Variants in TMEM108 observed in about 807,000 individuals in gnomAD.
TMEM108 encodes the protein transmembrane protein 108, also known as cancer/testis antigen 124.
A neutral mutation model predicts 35.1 loss-of-function variants in TMEM108; 12 were observed. That is an observed-to-expected ratio of 0.34 (90% CI 0.22 to 0.55). TMEM108 has a LOEUF of 0.55. Ranked by LOEUF, TMEM108 falls within the 20% of genes least tolerant of loss-of-function variation. TMEM108 has a pLI of 0.89. For missense variants in TMEM108, 680 were observed against 753.3 expected (o/e 0.90, Z 1.14); for synonymous variants, 287 against 308.6 (o/e 0.93, Z 0.73).
intron 3 of TMEM108, among the ~76,000 whole-genome samples, chr3:133,351,318 T>C (rs2071990252): frequency 6.6e-6 from 1 of 152,172 alleles, no homozygotes; most frequent in African/African-American, 2.4e-5. Context: ...CGGCCCTGCT[T>C]ACTTCAAACT....
At chr3:133,234,438 G>A (rs779458198) in intron 3 of TMEM108, among the ~76,000 whole-genome samples, 1 of 152,134 alleles carries the variant, frequency 6.6e-6, no homozygotes, top group African/African-American at 2.4e-5. Flanking sequence ...ATGCAAGGCT[G>A]TTTCAATATA....
At chr3:133,145,849 C>A (rs1287878248) in intron 2 of TMEM108, among the ~76,000 whole-genome samples, 1 of 152,184 alleles carries the variant, frequency 6.6e-6, no homozygotes. Flanking sequence ...TGCTTATCAG[C>A]TTGAGGAGAT....
rs1453154898 is a variant in TMEM108 at position 133,397,614 on chromosome 3, TAC to T, written c.*1630_*1631del. 6.6e-6 allele frequency: 1 copy of T among 152,204 alleles called. No individual in the cohort carries two copies. The highest frequency in any genetic ancestry group is 1.5e-5 in the Non-Finnish European group (1 of 68,038). The allele number at this position is 152,204 out of a possible 1,614,324, so 9.4% of individuals were successfully genotyped here. A position where few individuals can be genotyped will look rare whatever the true frequency, so the allele number is the denominator to read the frequency against. ...TTTAATATACCAATGTGTGTAAGTA[TAC>T]AGAGAAAAATCTGTTTGTAAAGTAA... On this transcript the variant is annotated 3_prime_UTR_variant, in exon 6 of 6. Coordinates refer to ENST00000321871, the MANE Select transcript of TMEM108 (RefSeq NM_023943.4).
Position 133,380,629 on chromosome 3 carries a change from C to T in TMEM108, c.918C>T (p.Ala306=). The T allele has an allele frequency of 6.2e-7, 1 of 1,613,800 alleles. No homozygotes were observed. The highest frequency in any genetic ancestry group is 8.5e-7 in the Non-Finnish European group (1 of 1,179,886). ...GTPDATAASG[A]PVSPQAAPVP... ...CAGATGCCACAGCAGCCTCAGGTGC[C>T]CCTGTCAGTCCACAAGCTGCCCCAG... Residue 306 remains alanine (A), a synonymous_variant, in exon 4 of 6, where the codon GCC becomes GCT. Transcript: ENST00000321871. This position sits in a 1 kb window ranked among gnomAD's most constrained non-coding sequence, Gnocchi z 5.3.
chr3:133,286,570 C>T (rs1946988999), intron 3 of TMEM108, among the ~76,000 whole-genome samples: 1 of 152,212 alleles, frequency 6.6e-6, no homozygotes, highest in South Asian at 2.1e-4. Context: ...CTCCTAGGCT[C>T]AAGCAATCTT....
intron 2 of TMEM108, among the ~76,000 whole-genome samples, chr3:133,125,443 G>A (rs1343418943): frequency 3.3e-5 from 5 of 152,160 alleles, no homozygotes; most frequent in Non-Finnish European, 7.3e-5. Context: ...AACCTCGAAT[G>A]TGCTATTTAA....
chr3:133,171,931 T>TCTCA (rs1325937768), intron 2 of TMEM108, among the ~76,000 whole-genome samples: 1 of 152,242 alleles, frequency 6.6e-6, no homozygotes, highest in Non-Finnish European at 1.5e-5. Context: ...AGAATGAGTC[T>TCTCA]CTCACTTATC....
intron 3 of TMEM108, among the ~76,000 whole-genome samples, chr3:133,242,850 G>A (rs1156983728): frequency 6.6e-6 from 1 of 152,228 alleles, no homozygotes; most frequent in East Asian, 1.9e-4. Flanking sequence ...CCCAGGCTCT[G>A]TGCTGGCAGC....
intron 1 of TMEM108, among the ~76,000 whole-genome samples, chr3:133,045,548 G>A (rs1032962814): frequency 1.3e-5 from 2 of 152,152 alleles, no homozygotes; most frequent in Non-Finnish European, 2.9e-5. Flanking sequence ...AAAGTATTGT[G>A]ATCCACTTCT....
chr3:133,351,162 G>A (rs963614430), intron 3 of TMEM108, among the ~76,000 whole-genome samples: 4 of 152,130 alleles, frequency 2.6e-5, no homozygotes, highest in Middle Eastern at 3.2e-3. Flanking sequence ...CTGGCCTTTC[G>A]TTCCAGCACT....
At chr3:133,393,964 T>C (rs867029334) in intron 5 of TMEM108, among the ~76,000 whole-genome samples, 6 of 152,252 alleles carry the variant, frequency 3.9e-5, no homozygotes, top group African/African-American at 1.2e-4. Flanking sequence ...CCATAGGACC[T>C]GCAGCACAAA....
intron 2 of TMEM108, among the ~76,000 whole-genome samples, chr3:133,078,179 G>A (rs1025374635): frequency 1.1e-4 from 11 of 96,892 alleles, no homozygotes; most frequent in African/African-American, 5.1e-4. Context: ...GCGCGCACAC[G>A]TGTGTGTGTA....
chr3:133,261,508 T>G (rs765246087), intron 3 of TMEM108, among the ~76,000 whole-genome samples: 6 of 152,214 alleles, frequency 3.9e-5, no homozygotes, highest in Admixed American at 1.3e-4. Context: ...ACTTACCTCT[T>G]CTCACCTGCC....
At chr3:133,295,852 A>G (rs1461849587) in intron 3 of TMEM108, among the ~76,000 whole-genome samples, 2 of 152,200 alleles carry the variant, frequency 1.3e-5, no homozygotes, top group African/African-American at 4.8e-5. Flanking sequence ...CCCGCTGAAG[A>G]AAAGAAAACC....
intron 3 of TMEM108, among the ~76,000 whole-genome samples, chr3:133,300,716 A>G (rs1947209709): frequency 6.6e-6 from 1 of 152,182 alleles, no homozygotes; most frequent in Non-Finnish European, 1.5e-5. Flanking sequence ...CCTGGTTGCC[A>G]GGTACCTAGC....
chr3:133,085,944 T>C (rs1022575456), intron 2 of TMEM108, among the ~76,000 whole-genome samples: 11 of 152,120 alleles, frequency 7.2e-5, no homozygotes, highest in Admixed American at 2.0e-4. Context: ...ATCTATAAGG[T>C]TTCTAAATCA....
chr3:133,173,981 C>T (rs371055385), intron 2 of TMEM108, among the ~76,000 whole-genome samples: 8 of 152,210 alleles, frequency 5.3e-5, no homozygotes, highest in African/African-American at 1.4e-4. Flanking sequence ...CTCCCACCCT[C>T]ATACTGCACT....
At chr3:133,296,611 G>C (rs980826723) in intron 3 of TMEM108, among the ~76,000 whole-genome samples, 1 of 151,962 alleles carries the variant, frequency 6.6e-6, no homozygotes, top group Non-Finnish European at 1.5e-5. Context: ...CCAGATCTCT[G>C]TCCCAGTCCT....
intron 3 of TMEM108, among the ~76,000 whole-genome samples, chr3:133,289,685 A>G (rs1947035400): frequency 6.6e-6 from 1 of 152,212 alleles, no homozygotes; most frequent in Non-Finnish European, 1.5e-5. Flanking sequence ...CCCATTAGGA[A>G]GTAAGGGCAG....
Sources: allele counts gnomAD v4.1 joint callset (sites outside exome capture counted in the v4.1 genomes callset), GRCh38; gene constraint gnomAD v4.1.1; non-coding constraint Gnocchi (gnomAD v3.1); transcripts MANE v1.5; gene names NCBI Gene and HGNC (gene_info 2026-07-23, HGNC 2026-07-21).